PSMA1: variants seen among roughly 807,000 people sequenced by gnomAD.
PSMA1 encodes proteasome subunit alpha type-1.
PSMA1 carries 3 observed loss-of-function variants against 38.4 expected under a neutral mutation model. The observed-to-expected ratio is 0.08, with a 90% CI of 0.04 to 0.20. The LOEUF (loss-of-function observed/expected upper bound fraction) is 0.20. PSMA1 is among the 10% of genes least tolerant of loss of function. The pLI, the probability that PSMA1 is intolerant of heterozygous loss-of-function variation, is 1.00. For missense variants in PSMA1, 227 were observed against 325.3 expected, an observed-to-expected ratio of 0.70 and a Z score of 2.32; for synonymous variants, 101 against 107.1, an observed-to-expected ratio of 0.94 and a Z score of 0.35.
intron 2 of PSMA1, among the ~76,000 whole-genome samples, chr11:14,605,354 A>C (rs1240069136): frequency 6.6e-6 from 1 of 151,904 alleles, no homozygotes; most frequent in Non-Finnish European, 1.5e-5. Flanking sequence ...CTCTTTTGGG[A>C]AGTGGTCTGT....
At chr11:14,526,798 T>C (rs1228452809) in intron 2 of PSMA1, among the ~76,000 whole-genome samples, 1 of 152,124 alleles carries the variant, frequency 6.6e-6, no homozygotes, top group Non-Finnish European at 1.5e-5. Flanking sequence ...TTCCTCACCC[T>C]GATCACACTT....
intron 2 of PSMA1, among the ~76,000 whole-genome samples, chr11:14,598,328 G>A (rs547056755): frequency 6.6e-6 from 1 of 152,144 alleles, no homozygotes; most frequent in Non-Finnish European, 1.5e-5. Context: ...TTGTTGATCT[G>A]TCTAATGTTG....
rs988199078 is a variant in PSMA1 at position 14,511,011 on chromosome 11, T to C, written c.545-60A>G. 8 of 1,209,364 alleles carry C rather than the reference T, an allele frequency of 6.6e-6. No individual in the cohort carries two copies. In the Admixed American group the frequency reaches 1.6e-4, roughly 23 times the overall value. 74.9% of individuals were successfully genotyped at this position (1,209,364 alleles called of 1,614,324 possible). On this transcript the variant is annotated intron_variant, in intron 7 of 9. Transcript: ENST00000396394. Reference sequence around the variant, plus strand: ...TCATTGTTATGCTAGGCTTCTGTTATTTATCAAATCTACAGTCTCAAATTG... The same window carrying C: ...TCATTGTTATGCTAGGCTTCTGTTACTTATCAAATCTACAGTCTCAAATTG...
At chr11:14,554,445 C>T (rs1259917783) in intron 2 of PSMA1, among the ~76,000 whole-genome samples, 1 of 152,118 alleles carries the variant, frequency 6.6e-6, no homozygotes, top group African/African-American at 2.4e-5. Context: ...TATAGTGTGA[C>T]ATTTTACTTT....
At chr11:14,637,033 C>G (rs1240160130) in intron 1 of PSMA1, among the ~76,000 whole-genome samples, 1 of 152,186 alleles carries the variant, frequency 6.6e-6, no homozygotes, top group Non-Finnish European at 1.5e-5. Flanking sequence ...AAAAATTGAT[C>G]ATGGCTTCTC....
chr11:14,591,810 G>A (rs1852418820), intron 2 of PSMA1, among the ~76,000 whole-genome samples: 1 of 152,124 alleles, frequency 6.6e-6, no homozygotes, highest in Admixed American at 6.6e-5. Flanking sequence ...ATGTGGGTGG[G>A]GCCAGATAAG....
intron 2 of PSMA1, among the ~76,000 whole-genome samples, chr11:14,531,296 T>C (rs1349023028): frequency 6.6e-6 from 1 of 152,186 alleles, no homozygotes; most frequent in African/African-American, 2.4e-5. Flanking sequence ...TCCACTCAAA[T>C]CGACCCTGGG....
intron 1 of PSMA1, among the ~76,000 whole-genome samples, chr11:14,614,446 T>C (rs1046466787): frequency 3.9e-5 from 6 of 152,262 alleles, no homozygotes; most frequent in African/African-American, 1.4e-4. Context: ...ACTGTATATC[T>C]GGCTCCTAGA....
chr11:14,641,377 A>C (rs917245340), intron 1 of PSMA1, among the ~76,000 whole-genome samples: 1 of 152,166 alleles, frequency 6.6e-6, no homozygotes, highest in Non-Finnish European at 1.5e-5. Flanking sequence ...AAATAATCTG[A>C]CCTCTAAGAA....
chr11:14,552,039 A>T (rs1210660721), intron 2 of PSMA1, among the ~76,000 whole-genome samples: 1 of 152,184 alleles, frequency 6.6e-6, no homozygotes, highest in African/African-American at 2.4e-5. Flanking sequence ...GCTCTGGAAA[A>T]GCTAAGCTGA....
chr11:14,572,777 T>G (rs1302435842), intron 2 of PSMA1, among the ~76,000 whole-genome samples: 2 of 151,444 alleles, frequency 1.3e-5, no homozygotes, highest in Non-Finnish European at 2.9e-5. Context: ...GCAAGACTAA[T>G]AAAGAAGAAA....
At chr11:14,547,158 C>T (rs913086320) in intron 2 of PSMA1, among the ~76,000 whole-genome samples, 4 of 152,102 alleles carry the variant, frequency 2.6e-5, no homozygotes, top group Non-Finnish European at 4.4e-5. Context: ...AATTTGAAAA[C>T]TGGGGCAAGG....
intron 1 of PSMA1, among the ~76,000 whole-genome samples, chr11:14,641,260 G>T (rs372645355): frequency 2.6e-5 from 4 of 151,948 alleles, no homozygotes; most frequent in Non-Finnish European, 5.9e-5. Context: ...AAAGTCAAAG[G>T]TATACTGTGA....
At chr11:14,606,588 C>G (rs1460421994) in intron 2 of PSMA1, among the ~76,000 whole-genome samples, 1 of 152,120 alleles carries the variant, frequency 6.6e-6, no homozygotes, top group Non-Finnish European at 1.5e-5. Context: ...CTGATGTATT[C>G]AGTAATTGGA....
In PSMA1 at chr11:14,534,058, G is replaced by A. The variant is rs1851677664; in HGVS notation, c.22-15017C>T. 6.6e-6 allele frequency among the ~76,000 whole-genome samples: 1 copy of A among 152,138 alleles called. No homozygotes were observed. Among genetic ancestry groups the A allele is most frequent in the Non-Finnish European group, 1.5e-5 (1 of 68,022 alleles). On this transcript the variant is annotated intron_variant, in intron 2 of 10. Coordinates refer to the PSMA1 transcript ENST00000418988. The surrounding 1 kb of genome is among the most constrained non-coding windows in gnomAD (Gnocchi z 4.5). ...TAGCCGGGCATGGAGGTGCATGTCT[G>A]TAACCCCAGCTACTTGGGAAGCTGA...
At position 14,507,666 on chromosome 11, in the gene PSMA1, C is replaced by T. The variant is rs761388945; in HGVS notation, c.725G>A (p.Arg242Lys). The T allele has an allele frequency of 6.2e-7, 1 of 1,601,140 alleles. No homozygotes were observed. The highest frequency in any genetic ancestry group is 2.2e-5 in the East Asian group (1 of 44,776). ...GTTATGATTATATACCTGTGCCTTT[C>T]TCTGTGGTCTTTCTTCAAGACCTTC... is the stretch of plus-strand genomic sequence containing the variant. ...FLEGLEERPQRKAQPAQPADE... is the reference protein window; with the variant it reads ...FLEGLEERPQKKAQPAQPADE... The change falls in exon 9 of 10, where the codon AGA (arginine) becomes AAA (lysine). Residue 242 changes from arginine to lysine, a missense_variant. Coordinates refer to ENST00000396394, the MANE Select transcript of PSMA1 (RefSeq NM_002786.4).
chr11:14,598,937 G>C (rs571464856), intron 2 of PSMA1, among the ~76,000 whole-genome samples: 74 of 152,074 alleles, frequency 4.9e-4, no homozygotes, highest in African/African-American at 1.8e-3. Context: ...GGCAGGCTCA[G>C]TGGTGACAAA....
intron 1 of PSMA1, among the ~76,000 whole-genome samples, chr11:14,638,575 ATATATATATATTTT>A (rs1853154083): frequency 9.3e-5 from 1 of 10,800 alleles, no homozygotes; most frequent in Admixed American, 1.8e-3. Context: ...ATATATATAT[ATATATATATATTTT>A]TTTTTTTTTT....
chr11:14,620,912 G>C (rs958474922), intron 1 of PSMA1, among the ~76,000 whole-genome samples: 7 of 152,090 alleles, frequency 4.6e-5, no homozygotes, highest in African/African-American at 1.7e-4. Context: ...TTTTAAATTT[G>C]ACCACAAAGC....
Sources: allele counts gnomAD v4.1 joint callset (sites outside exome capture counted in the v4.1 genomes callset), GRCh38; gene constraint gnomAD v4.1.1; non-coding constraint Gnocchi (gnomAD v3.1); transcripts MANE v1.5; gene names NCBI Gene and HGNC (gene_info 2026-07-23, HGNC 2026-07-21).